The following LAMA2 variants were observed in gnomAD, a reference collection of about 807,000 sequenced individuals.
LAMA2 encodes the protein laminin subunit alpha-2.
A neutral mutation model predicts 364.8 loss-of-function variants in LAMA2; 269 were observed. The ratio of observed to expected loss-of-function variants is 0.74; its 90% CI spans 0.67 to 0.82. LAMA2 has a LOEUF of 0.82. Ranked by LOEUF, LAMA2 falls within the 40% of genes least tolerant of loss-of-function variation. LAMA2 has a pLI of 0.00. For missense variants in LAMA2, 3,807 were observed against 3,873.2 expected, an observed-to-expected ratio of 0.98 and a Z score of 0.45; for synonymous variants, 1,379 against 1,370.6, an observed-to-expected ratio of 1.01 and a Z score of -0.14.
intron 3 of LAMA2, among the ~76,000 whole-genome samples, chr6:129,087,365 G>C (rs1434070392): frequency 3.3e-5 from 5 of 152,122 alleles, no homozygotes; most frequent in Non-Finnish European, 7.4e-5. Context: ...TTATAACATT[G>C]GGACACACCT....
intron 4 of LAMA2, among the ~76,000 whole-genome samples, chr6:129,131,477 C>A (rs1269754429): frequency 6.6e-6 from 1 of 152,202 alleles, no homozygotes; most frequent in South Asian, 2.1e-4. Context: ...CCCTGCAGCT[C>A]CCTGTGGTCA....
chr6:129,167,657 A>G (rs1779847087), intron 9 of LAMA2, among the ~76,000 whole-genome samples: 1 of 152,178 alleles, frequency 6.6e-6, no homozygotes, highest in Admixed American at 6.5e-5. Context: ...CATGATTTAC[A>G]GTCCTTTGGG....
chr6:128,993,876 G>A (rs1458654029), intron 1 of LAMA2, among the ~76,000 whole-genome samples: 1 of 152,078 alleles, frequency 6.6e-6, no homozygotes, highest in African/African-American at 2.4e-5. Context: ...CAAAAATGTG[G>A]ATATTTGAAT....
At chr6:128,893,352 GT>G (rs889318420) in intron 1 of LAMA2, among the ~76,000 whole-genome samples, 2 of 151,012 alleles carry the variant, frequency 1.3e-5, no homozygotes, top group African/African-American at 4.9e-5. Flanking sequence ...CCCTTTCTTT[GT>G]TTTTTTTCCC....
intron 11 of LAMA2, among the ~76,000 whole-genome samples, chr6:129,191,196 C>T (rs1050722918): frequency 6.6e-6 from 1 of 152,172 alleles, no homozygotes; most frequent in Non-Finnish European, 1.5e-5. Flanking sequence ...AAGCTAAAGA[C>T]TGACATTATC....
At chr6:129,440,237 AC>A in intron 42 of LAMA2, among the ~76,000 whole-genome samples, 1 of 151,848 alleles carries the variant, frequency 6.6e-6, no homozygotes, top group Non-Finnish European at 1.5e-5. Flanking sequence ...TTTATACAAC[AC>A]AGTTAATATT....
intron 12 of LAMA2, among the ~76,000 whole-genome samples, chr6:129,207,851 C>A (rs896741093): frequency 1.3e-5 from 2 of 151,982 alleles, no homozygotes; most frequent in Non-Finnish European, 1.5e-5. Context: ...AGAACATCAC[C>A]TTGATATTCT....
intron 33 of LAMA2, among the ~76,000 whole-genome samples, 198 bp downstream of exon 33, chr6:129,366,559 G>A (rs1450023385): frequency 2.0e-5 from 3 of 152,140 alleles, no homozygotes; most frequent in Non-Finnish European, 4.4e-5. Context: ...TAAGGGAAAA[G>A]AGTCTCATGT....
At chr6:129,292,319 C>T (rs549758758) in intron 20 of LAMA2, among the ~76,000 whole-genome samples, 1 of 152,328 alleles carries the variant, frequency 6.6e-6, no homozygotes, top group Non-Finnish European at 1.5e-5. Context: ...GCACTCCAGC[C>T]TGGGCGACCG....
chr6:129,290,453 GTT>G (rs1458743086), intron 19 of LAMA2, among the ~76,000 whole-genome samples: 1 of 152,094 alleles, frequency 6.6e-6, no homozygotes, highest in Non-Finnish European at 1.5e-5. Context: ...AAATTAAGCA[GTT>G]TTTAGAAAAG....
At chr6:129,134,870 C>G (rs138357991) in intron 4 of LAMA2, among the ~76,000 whole-genome samples, 108 of 152,288 alleles carry the variant, frequency 7.1e-4, no homozygotes, top group African/African-American at 2.5e-3. Flanking sequence ...CAGCATAGAG[C>G]TTTCCTTCTA....
intron 3 of LAMA2, among the ~76,000 whole-genome samples, chr6:129,065,114 A>G (rs988460025): frequency 1.3e-5 from 2 of 152,218 alleles, no homozygotes; most frequent in African/African-American, 4.8e-5. Context: ...TTGCAAATCT[A>G]TAAATGTGAT....
intron 22 of LAMA2, among the ~76,000 whole-genome samples, chr6:129,309,274 C>T (rs568851259): frequency 6.6e-5 from 10 of 152,244 alleles, no homozygotes; most frequent in Non-Finnish European, 1.5e-4. Flanking sequence ...TTCTCTATTG[C>T]TAAACAAATA....
chr6:128,919,156 A>G (rs564928870), intron 1 of LAMA2, among the ~76,000 whole-genome samples: 1 of 152,222 alleles, frequency 6.6e-6, no homozygotes, highest in Non-Finnish European at 1.5e-5. Flanking sequence ...AAAATGCTGG[A>G]AGTTTTCTTC....
chr6:129,464,846 C>A (rs749468601), intron 50 of LAMA2, among the ~76,000 whole-genome samples: 2 of 151,836 alleles, frequency 1.3e-5, no homozygotes, highest in African/African-American at 2.4e-5. Context: ...TTACTGAATT[C>A]TTTCTGGGAA....
chr6:129,038,166 C>T (rs983753225), intron 1 of LAMA2, among the ~76,000 whole-genome samples: 6 of 152,280 alleles, frequency 3.9e-5, no homozygotes, highest in African/African-American at 1.4e-4. Flanking sequence ...GTGTTCACTT[C>T]TGATCATGGT....
chr6:128,962,284 G>A (rs903136451), intron 1 of LAMA2, among the ~76,000 whole-genome samples: 17 of 150,116 alleles, frequency 1.1e-4, no homozygotes, highest in African/African-American at 3.7e-4. Flanking sequence ...TTCATGGTCA[G>A]GTTTAACCAA....
intron 4 of LAMA2, among the ~76,000 whole-genome samples, chr6:129,117,618 A>G (rs1406779946): frequency 2.0e-5 from 3 of 152,202 alleles, no homozygotes; most frequent in Non-Finnish European, 1.5e-5. Flanking sequence ...GCCACACAAA[A>G]GTGTTTTTTC....
chr6:129,080,357 A>G (rs984652710), intron 3 of LAMA2, among the ~76,000 whole-genome samples: 12 of 152,210 alleles, frequency 7.9e-5, no homozygotes, highest in Non-Finnish European at 1.3e-4. Context: ...CTTCTCTGAT[A>G]TATAATTGTG....
Sources: gnomAD v4.1 joint callset for allele counts (sites outside exome capture counted in the v4.1 genomes callset) on GRCh38, gnomAD v4.1.1 for gene constraint, MANE v1.5 for transcripts, NCBI Gene and HGNC (gene_info 2026-07-23, HGNC 2026-07-21) for gene names.